Variants in CTU2 observed in about 807,000 individuals in gnomAD.
CTU2 encodes cytoplasmic tRNA 2-thiolation protein 2.
In CTU2, 80 loss-of-function variants were observed where a neutral mutation model predicts 64.1. The ratio of observed to expected loss-of-function variants is 1.25; its 90% confidence interval spans 1.04 to 1.50. The LOEUF (loss-of-function observed/expected upper bound fraction) is 1.50, where lower values mean the gene tolerates loss of function less well. Among genes scored for constraint, CTU2 ranks in the 40% most tolerant of loss-of-function variants. The probability of loss-of-function intolerance (pLI) is 0.00; values close to 1 mark genes in which losing one functional copy is unlikely to be tolerated. For synonymous variants in CTU2, 482 were observed against 285.3 expected, an observed-to-expected ratio of 1.69 and a Z score of -6.95; for missense variants, 1,110 against 690.2, an observed-to-expected ratio of 1.61 and a Z score of -6.81.
In CTU2 at chr16:88,707,418, A is replaced by G. The variant is rs77839429; in HGVS notation, c.143+208A>G. Among the ~76,000 whole-genome samples the G allele has an allele frequency of 7.9e-4, 121 of 152,358 alleles. No homozygotes were observed. In the East Asian group the frequency reaches 0.022, roughly 28 times the overall value. On this transcript the variant is annotated intron_variant, in intron 2 of 14. Transcript: ENST00000453996. ...GGAAAGTTTCCCATGAGCTAGCCACAGATCCCCTGATGAGGTTTCTGATGG... is the reference window on the plus strand; with the variant it reads ...GGAAAGTTTCCCATGAGCTAGCCACGGATCCCCTGATGAGGTTTCTGATGG...
Position 88,714,093 on chromosome 16 carries a change from G to A in CTU2, c.1006-43G>A, listed in dbSNP as rs199646051. On this transcript the variant is annotated intron_variant, in intron 9 of 14. Coordinates refer to ENST00000453996, the MANE Select transcript of CTU2 (RefSeq NM_001012759.3). ...GGGGACTCTGCCCCAGCCTGGGGCT[G>A]GCCTCTGGGCTTTCCCATAGCCTCC... 9.5e-6 allele frequency: 15 copies of A among 1,582,312 alleles called. No individual in the cohort carries two copies. In the East Asian group the frequency reaches 2.5e-4, roughly 26 times the overall value.
intron 12 of CTU2, 30 bp downstream of exon 12, chr16:88,714,767 AGCTGCATGGG>A: frequency 1.2e-6 from 2 of 1,605,674 alleles, no homozygotes; most frequent in Non-Finnish European, 1.7e-6. Flanking sequence ...ACCCATGGCC[AGCTGCATGGG>A]GCGGGAGGGG....
intron 1 of CTU2, 37 bp from the exon 2 acceptor site, chr16:88,707,099 C>G (rs1376753864): frequency 1.2e-6 from 2 of 1,601,702 alleles, no homozygotes; most frequent in African/African-American, 2.7e-5. Flanking sequence ...AAGATGTGAT[C>G]TGTGTTTCTC....
intron 4 of CTU2, 90 bp from the exon 5 acceptor site, chr16:88,711,545 G>T: frequency 7.9e-7 from 1 of 1,268,922 alleles, no homozygotes; most frequent in Non-Finnish European, 1.1e-6. Context: ...TTCCAAGATG[G>T]CATTAAATCC....
At chr16:88,711,075 G>A (rs530853730) in intron 4 of CTU2, among the ~76,000 whole-genome samples, 6 of 152,186 alleles carry the variant, frequency 3.9e-5, no homozygotes, top group East Asian at 1.9e-4. Context: ...CGGCTTTGCC[G>A]GGTTGAGGAG....
At position 88,714,656 on chromosome 16, in the gene CTU2, C is replaced by G. The variant is rs373776054; in HGVS notation, c.1271C>G (p.Thr424Ser). Residue 424 changes from threonine to serine, a missense_variant, in exon 12 of 15, where the codon ACT becomes AGT. Coordinates refer to ENST00000453996, the MANE Select transcript of CTU2 (RefSeq NM_001012759.3). Reference protein sequence around the residue: ...LSQMQSPIPLTETRTPPGPCC... With the variant: ...LSQMQSPIPLSETRTPPGPCC... ...CAGATGCAGTCACCCATCCCCCTGA[C>G]TGAGACCCGGACACCCCCGGGGCCC... 1.2e-6 allele frequency: 2 copies of G among 1,612,624 alleles called. No homozygotes were observed. The highest frequency in any genetic ancestry group is 1.7e-5 in the Admixed American group (1 of 60,004).
At chr16:88,713,580 TG>T in intron 8 of CTU2, 66 bp from the exon 9 acceptor site, 1 of 1,577,446 alleles carries the variant, frequency 6.3e-7, no homozygotes, top group Non-Finnish European at 8.6e-7. Flanking sequence ...CTCCCCTACC[TG>T]GCAGGGGAGG....
intron 2 of CTU2, 26 bp downstream of exon 2, chr16:88,707,236 C>A: frequency 6.2e-7 from 1 of 1,608,834 alleles, no homozygotes; most frequent in Non-Finnish European, 8.5e-7. Flanking sequence ...GGCTGAGACC[C>A]TGGCAAACAT....
rs1355536772 is a variant in CTU2, at chr16:88,712,451, C to T, written c.453+68C>T. Reference sequence around the variant, plus strand: ...TGGGGGGCACCTGCCCGTGTCCCAGCCTCACTGGCCTCTCCCTCATCCCAG... The same window carrying T: ...TGGGGGGCACCTGCCCGTGTCCCAGTCTCACTGGCCTCTCCCTCATCCCAG... On this transcript the variant is annotated intron_variant, in intron 6 of 14. Transcript: ENST00000453996. The T allele has an allele frequency of 2.9e-5, 42 of 1,455,418 alleles. 1 individual carries two copies. The East Asian group carries it at 9.9e-4, about 34-fold the overall frequency. The allele number at this position is 1,455,418 out of a possible 1,614,324, so 90.2% of individuals were successfully genotyped here.
At chr16:88,714,062 T>C (rs1371750190) in intron 9 of CTU2, 74 bp from the exon 10 acceptor site, 12 of 1,434,026 alleles carry the variant, frequency 8.4e-6, no homozygotes, top group Non-Finnish European at 6.8e-6. Flanking sequence ...CCACGGCACC[T>C]GTCCTGGGGA....
At chr16:88,707,684 C>T (rs534811727) in intron 2 of CTU2, among the ~76,000 whole-genome samples, 56 of 152,286 alleles carry the variant, frequency 3.7e-4, no homozygotes, top group Non-Finnish European at 7.1e-4. Context: ...TCTTTCTTGG[C>T]TTGTAGCCAT....
In CTU2 at chr16:88,714,580, C is replaced by T; in HGVS notation, c.1202-7C>T. The stretch of plus-strand genomic sequence containing the variant: ...CCCAGGCTCCGTCACCCCCTCTCTG[C>T]TTGCAGACAGTGCCACGGCTTTTGG... On this transcript the variant is annotated splice_region_variant and splice_polypyrimidine_tract_variant and intron_variant, in intron 11 of 14. Coordinates refer to ENST00000453996, the MANE Select transcript of CTU2 (RefSeq NM_001012759.3). The T allele has an allele frequency of 1.2e-6, 2 of 1,612,678 alleles. No homozygotes were observed. The highest frequency in any genetic ancestry group is 2.2e-5 in the East Asian group (1 of 44,862).
intron 9 of CTU2, 79 bp downstream of exon 9, chr16:88,713,857 C>A: frequency 6.4e-7 from 1 of 1,566,504 alleles, no homozygotes; most frequent in Admixed American, 1.7e-5. Flanking sequence ...CTCTCACAGG[C>A]TCAGGTCACC....
chr16:88,714,150 C>G lies in CTU2; in HGVS notation c.1020C>G (p.Ala340=). The G allele has an allele frequency of 6.2e-7, 1 of 1,612,736 alleles. No individual in the cohort carries two copies. The highest frequency in any genetic ancestry group is 8.5e-7 in the Non-Finnish European group (1 of 1,179,910). ...ATTGTCCCTAGGCCCCTGAAAAGGC[C>G]AGCATCCACCGGCTGATGGAGGCCT... ...PAVDTKAPEK[A]SIHRLMEAFI... Residue 340 remains alanine, a synonymous_variant, in exon 10 of 15, where the codon GCC becomes GCG. Transcript: ENST00000453996.
At chr16:88,714,951 G>C in intron 13 of CTU2, 25 bp downstream of exon 13, 1 of 1,609,796 alleles carries the variant, frequency 6.2e-7, no homozygotes, top group Non-Finnish European at 8.5e-7. Flanking sequence ...ACCTGTCCTG[G>C]GCCGGGCTTG....
Position 88,714,359 on chromosome 16 carries a change from G to C in CTU2, c.1098-24G>C, listed in dbSNP as rs377401588. ...GAGCCCCAGCCCGTGTGATTCACCT[G>C]CTCCTCCCACAATCCGGCCACAGGA... is the stretch of plus-strand genomic sequence containing the variant. On this transcript the variant is annotated intron_variant, in intron 10 of 14. Transcript: ENST00000453996. 6.8e-6 allele frequency: 11 copies of C among 1,611,372 alleles called. No individual in the cohort carries two copies. In the African/African-American group the frequency reaches 1.5e-4, roughly 22 times the overall value.
At position 88,714,486 on chromosome 16, in the gene CTU2, G is replaced by T; in HGVS notation, c.1201G>T (p.Asp401Tyr). 3 of 1,612,664 alleles carry T rather than the reference G, an allele frequency of 1.9e-6. No individual in the cohort carries two copies. The highest frequency in any genetic ancestry group is 2.5e-6 in the Non-Finnish European group (3 of 1,179,882). Residue 401 changes from aspartate to tyrosine, a missense_variant and splice_region_variant, in exon 11 of 15, where the codon GAC (aspartate) becomes TAC (tyrosine). By Grantham distance (160) the Asp-to-Tyr change is radical. Transcript: ENST00000453996. The part of the protein sequence containing the change: ...CMCALDVDAA[D>Y]SATAFGAQTS... ...GTGTGCCCTGGACGTCGACGCCGCTGGTCTGTGTTTCATGCTCTTGGGGTG... is the reference window on the plus strand; with the variant it reads ...GTGTGCCCTGGACGTCGACGCCGCTTGTCTGTGTTTCATGCTCTTGGGGTG...
At chr16:88,714,777 G>C in intron 12 of CTU2, 40 bp downstream of exon 12, 1 of 1,606,782 alleles carries the variant, frequency 6.2e-7, no homozygotes, top group Non-Finnish European at 8.5e-7. Flanking sequence ...AGCTGCATGG[G>C]GCGGGAGGGG....
At chr16:88,709,739 C>T in intron 2 of CTU2, 199 bp from the exon 3 acceptor site, 1 of 591,686 alleles carries the variant, frequency 1.7e-6, no homozygotes, top group Non-Finnish European at 3.0e-6. Context: ...GGCCGGTGAG[C>T]CTCGTGTTCA....
Sources: gnomAD v4.1 joint callset for allele counts (sites outside exome capture counted in the v4.1 genomes callset) on GRCh38, gnomAD v4.1.1 for gene constraint, MANE v1.5 for transcripts, NCBI Gene and HGNC (gene_info 2026-07-23, HGNC 2026-07-21) for gene names.